The following RORA variants were observed in gnomAD, a reference collection of about 807,000 sequenced individuals.
RORA encodes nuclear receptor ROR-alpha.
RORA carries 7 observed loss-of-function variants against 69.5 expected under a neutral mutation model. That is an observed-to-expected ratio of 0.10 (90% CI 0.06 to 0.19). RORA has a LOEUF of 0.19. Among genes scored for constraint, RORA ranks in the 10% least tolerant of loss-of-function variants. The probability of loss-of-function intolerance (pLI) is 1.00; values close to 1 mark genes in which losing one functional copy is unlikely to be tolerated. For missense variants in RORA, 457 were observed against 663.0 expected (o/e 0.69, Z 3.41); for synonymous variants, 261 against 240.8 (o/e 1.08, Z -0.78).
intron 1 of RORA, among the ~76,000 whole-genome samples, chr15:60,857,219 T>C (rs962369019): frequency 6.6e-6 from 1 of 152,102 alleles, no homozygotes; most frequent in Non-Finnish European, 1.5e-5. Flanking sequence ...GGGTGAAGTA[T>C]AAATGCAGAC....
intron 2 of RORA, chr15:60,592,661 A>G (rs2068566273): frequency 1.8e-6 from 2 of 1,085,010 alleles, no homozygotes; most frequent in Non-Finnish European, 2.2e-6. Context: ...GGCGGGAGGC[A>G]GGCGCGCCCC....
chr15:61,154,459 C>A (rs951588408), intron 1 of RORA, among the ~76,000 whole-genome samples: 2 of 152,062 alleles, frequency 1.3e-5, no homozygotes, highest in Non-Finnish European at 2.9e-5. Context: ...CACTCCATTA[C>A]CAACTGAGCT....
In RORA at chr15:61,194,651, C is replaced by T. The variant is rs146162570; in HGVS notation, c.166+34402G>A. 9.0e-4 allele frequency among the ~76,000 whole-genome samples: 137 copies of T among 151,956 alleles called. 1 individual carries two copies. Among genetic ancestry groups the T allele is most frequent in the African/African-American group, 3.0e-3 (126 of 41,460 alleles). On this transcript the variant is annotated intron_variant, in intron 1 of 10. Coordinates refer to ENST00000335670, the MANE Select transcript of RORA (RefSeq NM_134261.3). Reference sequence around the variant, plus strand: ...CAATGGCCATTTGTCTATTTTTTCACGGTTCATATTTTTGAATGCAACATT... The same window carrying T: ...CAATGGCCATTTGTCTATTTTTTCATGGTTCATATTTTTGAATGCAACATT...
chr15:60,886,536 G>C (rs918629057), intron 1 of RORA, among the ~76,000 whole-genome samples: 1 of 152,164 alleles, frequency 6.6e-6, no homozygotes, highest in African/African-American at 2.4e-5. Flanking sequence ...ACTCCTTATA[G>C]AGTCAGCCTG....
intron 2 of RORA, among the ~76,000 whole-genome samples, chr15:60,658,016 C>T (rs1233705607): frequency 6.6e-6 from 1 of 152,146 alleles, no homozygotes; most frequent in African/African-American, 2.4e-5. Context: ...CTCTCTACCA[C>T]TGCCTCCTCC....
chr15:61,064,920 C>T (rs138183128), intron 1 of RORA, among the ~76,000 whole-genome samples: 74 of 152,302 alleles, frequency 4.9e-4, no homozygotes, highest in African/African-American at 1.7e-3. Flanking sequence ...CTGCCCTGAG[C>T]TACTTAACTC....
At chr15:60,822,459 G>C (rs2072905394) in intron 1 of RORA, among the ~76,000 whole-genome samples, 1 of 152,168 alleles carries the variant, frequency 6.6e-6, no homozygotes, top group Non-Finnish European at 1.5e-5. Context: ...CAGTGGAAAC[G>C]CTCCACACTG....
intron 1 of RORA, among the ~76,000 whole-genome samples, chr15:60,914,969 C>G (rs1386068852): frequency 2.0e-5 from 3 of 152,156 alleles, no homozygotes; most frequent in Admixed American, 1.3e-4. Flanking sequence ...CATTTCGGTA[C>G]TCACAAGAAA....
At chr15:60,668,545 C>A (rs1351917802) in intron 2 of RORA, among the ~76,000 whole-genome samples, 1 of 152,158 alleles carries the variant, frequency 6.6e-6, no homozygotes, top group Non-Finnish European at 1.5e-5. Flanking sequence ...ACACAAGGGA[C>A]CAAACAGCTA....
chr15:60,823,950 T>A (rs574944163), intron 1 of RORA, among the ~76,000 whole-genome samples: 3 of 152,162 alleles, frequency 2.0e-5, no homozygotes, highest in Non-Finnish European at 4.4e-5. Context: ...GGAGAAATAA[T>A]AAAGTTTAAA....
At position 60,495,318 on chromosome 15, in the gene RORA, C is replaced by CAGTT. The variant is rs777523177; in HGVS notation, c.*2133_*2136dup. The CAGTT allele has an allele frequency of 6.6e-6, 1 of 152,136 alleles. No individual in the cohort carries two copies. Among genetic ancestry groups the CAGTT allele is most frequent in the African/African-American group, 2.4e-5 (1 of 41,412 alleles). 9.4% of individuals were successfully genotyped at this position (152,136 alleles called of 1,614,324 possible). ...CCCCAATATAAATACTATATGCTGA[C>CAGTT]AGTTAGCATCTCTCTATAAACACAT... On this transcript the variant is annotated 3_prime_UTR_variant, in exon 11 of 11. Coordinates refer to ENST00000335670, the MANE Select transcript of RORA (RefSeq NM_134261.3).
At chr15:60,965,310 T>G (rs1419259342) in intron 1 of RORA, among the ~76,000 whole-genome samples, 1 of 152,160 alleles carries the variant, frequency 6.6e-6, no homozygotes, top group African/African-American at 2.4e-5. Flanking sequence ...ATCCCAGCAA[T>G]AGAACACAAA....
At chr15:61,105,652 G>C (rs2078941305) in intron 1 of RORA, among the ~76,000 whole-genome samples, 1 of 152,148 alleles carries the variant, frequency 6.6e-6, no homozygotes, top group African/African-American at 2.4e-5. Context: ...TGAAAATGCA[G>C]GGGCATGTGG....
chr15:60,758,763 C>A (rs1049398668), intron 1 of RORA, among the ~76,000 whole-genome samples: 1 of 152,176 alleles, frequency 6.6e-6, no homozygotes, highest in African/African-American at 2.4e-5. Context: ...CCTGCAAAGT[C>A]ATCCTCAAAT....
chr15:60,729,177 C>T (rs2071399134), intron 1 of RORA, among the ~76,000 whole-genome samples: 1 of 152,094 alleles, frequency 6.6e-6, no homozygotes, highest in African/African-American at 2.4e-5. Context: ...CCTCTCACAT[C>T]CCCCCACCCC....
intron 1 of RORA, among the ~76,000 whole-genome samples, chr15:61,066,707 C>T (rs946388714): frequency 4.0e-5 from 6 of 151,492 alleles, no homozygotes; most frequent in Non-Finnish European, 8.8e-5. Flanking sequence ...GGATTACAAG[C>T]GCGAGCCACT....
chr15:61,020,369 T>A (rs1265135592), intron 1 of RORA, among the ~76,000 whole-genome samples: 2 of 152,096 alleles, frequency 1.3e-5, no homozygotes, highest in African/African-American at 2.4e-5. Flanking sequence ...CATCTTACCA[T>A]GGAAAGCATG....
chr15:60,911,703 A>ATTTTT (rs60693324), intron 1 of RORA, among the ~76,000 whole-genome samples: 1 of 142,926 alleles, frequency 7.0e-6, no homozygotes, highest in Non-Finnish European at 1.5e-5. Context: ...CGGATTTTTG[A>ATTTTT]TTTTTTTTTT....
Position 60,936,407 on chromosome 15 carries a change from C to T in RORA, c.167-257721G>A, listed in dbSNP as rs900480961. On this transcript the variant is annotated intron_variant, in intron 1 of 10. Transcript: ENST00000335670. ...CTGGTGTAATTAGCAGCACAGGGCA[C>T]GTTTCCAGAAACAGCCTGGATGGAG... is the stretch of plus-strand genomic sequence containing the variant. Among the ~76,000 whole-genome samples the T allele has an allele frequency of 6.6e-5, 10 of 152,334 alleles. No homozygotes were observed. In the East Asian group the frequency reaches 1.9e-3, roughly 29 times the overall value.
Sources: gnomAD v4.1 joint callset for allele counts (sites outside exome capture counted in the v4.1 genomes callset) on GRCh38, gnomAD v4.1.1 for gene constraint, MANE v1.5 for transcripts, NCBI Gene and HGNC (gene_info 2026-07-23, HGNC 2026-07-21) for gene names.